The following MFSD12 variants were observed in gnomAD, a reference collection of about 807,000 sequenced individuals.
MFSD12 encodes the protein major facilitator superfamily domain-containing protein 12.
A neutral mutation model predicts 51.2 loss-of-function variants in MFSD12; 67 were observed. That is an observed-to-expected ratio of 1.31 (90% confidence interval 1.08 to 1.60). MFSD12 has a LOEUF of 1.60. Ranked by LOEUF, MFSD12 falls within the 40% of genes most tolerant of loss-of-function variation. MFSD12 has a pLI of 0.00. For synonymous variants in MFSD12, 441 were observed against 316.7 expected, an observed-to-expected ratio of 1.39 and a Z score of -4.17; for missense variants, 921 against 673.0, an observed-to-expected ratio of 1.37 and a Z score of -4.08.
chr19:3,543,024 T>C (rs1449321879), downstream of MFSD12: 6 of 1,603,876 alleles, frequency 3.7e-6, no homozygotes, highest in Admixed American at 5.0e-5. Flanking sequence ...TGGGGTGCGA[T>C]GTGTGGGGAG....
At chr19:3,550,763 G>GT (rs2031428060) in intron 2 of MFSD12, among the ~76,000 whole-genome samples, 1 of 151,920 alleles carries the variant, frequency 6.6e-6, no homozygotes, top group African/African-American at 2.4e-5. Context: ...TGAGGCAAGA[G>GT]TATCACTTGA....
At chr19:3,540,360 C>T (rs959209202), downstream of MFSD12, among the ~76,000 whole-genome samples, 15 of 151,702 alleles carry the variant, frequency 9.9e-5, no homozygotes, top group South Asian at 2.1e-4. Flanking sequence ...CTGGTTCGAG[C>T]GATTCTCCTG....
In MFSD12 at chr19:3,551,724, A is replaced by T. The variant is rs1440568404; in HGVS notation, c.299-530T>A. 6.6e-6 allele frequency among the ~76,000 whole-genome samples: 1 copy of T among 152,064 alleles called. No individual in the cohort carries two copies. Among genetic ancestry groups the T allele is most frequent in the Non-Finnish European group, 1.5e-5 (1 of 67,996 alleles). On this transcript the variant is annotated intron_variant, in intron 1 of 9. Coordinates refer to ENST00000355415, the MANE Select transcript of MFSD12 (RefSeq NM_174983.5). The surrounding 1 kb of genome is among the most constrained non-coding windows in gnomAD (Gnocchi z 4.6). ...GCAAGGCCTGGCTCTTCACATCCTC[A>T]GAAGAAAACCCCTAAGATACCCTGG...
At position 3,544,303 on chromosome 19, in the gene MFSD12, GTC is replaced by G; in HGVS notation, c.*405_*406del. The G allele has an allele frequency of 7.8e-7, 1 of 1,278,542 alleles. No individual in the cohort carries two copies. Among genetic ancestry groups the G allele is most frequent in the Non-Finnish European group, 9.9e-7 (1 of 1,012,758 alleles). The allele number at this position is 1,278,542 out of a possible 1,614,324, so 79.2% of individuals were successfully genotyped here. ...AGGCCCAGCCCACCACCCCGTGGCTGTCTCCTCCAGGCTCCAGCCGTCCTGAG... is the reference window on the plus strand; with the variant it reads ...AGGCCCAGCCCACCACCCCGTGGCTGTCCTCCAGGCTCCAGCCGTCCTGAG... On this transcript the variant is annotated 3_prime_UTR_variant, in exon 10 of 10. Transcript: ENST00000355415.
At chr19:3,543,354 C>A (rs773862469), downstream of MFSD12, 2 of 1,549,350 alleles carry the variant, frequency 1.3e-6, no homozygotes, top group Non-Finnish European at 1.7e-6. Flanking sequence ...ACAGGCCTGA[C>A]CAACTCGGAC....
chr19:3,540,558 G>A (rs1426286536), downstream of MFSD12, among the ~76,000 whole-genome samples: 6 of 151,526 alleles, frequency 4.0e-5, no homozygotes, highest in African/African-American at 1.2e-4. Flanking sequence ...GCCTAGCTGT[G>A]AGACCCCATC....
downstream of MFSD12, chr19:3,539,989 C>G (rs1457359073): frequency 6.6e-6 from 1 of 152,074 alleles, no homozygotes; most frequent in Non-Finnish European, 1.5e-5. Flanking sequence ...TGGTGGCCCA[C>G]ACCTGTAATC....
chr19:3,540,473 G>A (rs942905372), downstream of MFSD12, among the ~76,000 whole-genome samples: 6 of 151,378 alleles, frequency 4.0e-5, no homozygotes, highest in Non-Finnish European at 7.4e-5. Flanking sequence ...GGCCAGGATG[G>A]TCTCGATCTC....
At chr19:3,539,330 T>A, downstream of MFSD12, 1 of 850,510 alleles carries the variant, frequency 1.2e-6, no homozygotes, top group South Asian at 1.4e-5. Context: ...TCAGGTTACA[T>A]GGTGTTTGGT....
chr19:3,543,225 C>T (rs1286096340), downstream of MFSD12: 1 of 1,541,030 alleles, frequency 6.5e-7, no homozygotes, highest in South Asian at 1.2e-5. Context: ...TGCCCCCTGC[C>T]CACCCTCAGC....
chr19:3,555,199 C>G (rs889944927), intron 1 of MFSD12, among the ~76,000 whole-genome samples: 1 of 152,164 alleles, frequency 6.6e-6, no homozygotes, highest in Non-Finnish European at 1.5e-5. Flanking sequence ...GCCTCTGCCT[C>G]CCGGGTTCAA....
intron 1 of MFSD12, among the ~76,000 whole-genome samples, chr19:3,552,600 G>A (rs999886459): frequency 5.4e-5 from 8 of 147,972 alleles, no homozygotes; most frequent in African/African-American, 1.8e-4. Context: ...TCAGCCTCCC[G>A]TGTAGCTGGG....
chr19:3,551,913 C>T lies in MFSD12; in HGVS notation c.299-719G>A, dbSNP rs535507108. On this transcript the variant is annotated intron_variant, in intron 1 of 9. Coordinates refer to ENST00000355415, the MANE Select transcript of MFSD12 (RefSeq NM_174983.5). This position sits in a 1 kb window ranked among gnomAD's most constrained non-coding sequence, Gnocchi z 4.6. ...TTCAACATGCCAGGCGGTCCTGCCC[C>T]CGGGCCTTTGCATGGGCGTGCCTCT... 3.3e-5 allele frequency among the ~76,000 whole-genome samples: 5 copies of T among 152,288 alleles called. No individual in the cohort carries two copies. The East Asian group carries it at 9.7e-4, about 30-fold the overall frequency.
At chr19:3,542,559 C>T (rs998557580), downstream of MFSD12, 49 of 836,230 alleles carry the variant, frequency 5.9e-5, no homozygotes, top group Non-Finnish European at 6.8e-5. Context: ...CTGCAAACTC[C>T]ACTTCCTGGG....
rs549406962 is a variant in MFSD12, at chr19:3,556,026, C to T, written c.298+1080G>A. On this transcript the variant is annotated intron_variant, in intron 1 of 9. Coordinates refer to ENST00000355415, the MANE Select transcript of MFSD12 (RefSeq NM_174983.5). Reference sequence around the variant, plus strand: ...CCCTCTCTAATCAGGGCAGCTCCCCCAGACCTAGGGGGTCCCTGACCCTGG... The same window carrying T: ...CCCTCTCTAATCAGGGCAGCTCCCCTAGACCTAGGGGGTCCCTGACCCTGG... 2.0e-5 allele frequency among the ~76,000 whole-genome samples: 3 copies of T among 152,170 alleles called. No homozygotes were observed. In the South Asian group the frequency reaches 6.2e-4, roughly 32 times the overall value.
Position 3,546,439 on chromosome 19 carries a change from C to T in MFSD12, c.1024-14G>A. ...GAAGTAGGTCATCTGCAGGGACAGC[C>T]CCGGGGTCAGGCCCACACCACTGGG... On this transcript the variant is annotated splice_polypyrimidine_tract_variant and intron_variant, in intron 6 of 9. Coordinates refer to ENST00000355415, the MANE Select transcript of MFSD12 (RefSeq NM_174983.5). 1 of 1,596,478 alleles carries T rather than the reference C, an allele frequency of 6.3e-7. No individual in the cohort carries two copies. Among genetic ancestry groups the T allele is most frequent in the Non-Finnish European group, 8.5e-7 (1 of 1,172,448 alleles).
chr19:3,554,061 G>A (rs991596915), intron 1 of MFSD12, among the ~76,000 whole-genome samples: 20 of 151,656 alleles, frequency 1.3e-4, no homozygotes, highest in Admixed American at 6.6e-5. Flanking sequence ...CAGCCCGGGT[G>A]ACAAAGCAAG....
At position 3,544,727 on chromosome 19, in the gene MFSD12, G is replaced by C; in HGVS notation, c.1426C>G (p.Arg476Gly). 8.7e-6 allele frequency: 14 copies of C among 1,603,458 alleles called. No homozygotes were observed. Among genetic ancestry groups the C allele is most frequent in the Non-Finnish European group, 1.2e-5 (14 of 1,173,688 alleles). ...LWPTRLRRWDRDARP is the reference protein window; with the variant it reads ...LWPTRLRRWDGDARP ...GTCAGGAGTCAGGGCCGGGCATCAC[G>C]GTCCCCTGCAAGGGAGGGGTGGAAA... Residue 476 changes from arginine to glycine, a missense_variant, in exon 10 of 10, where the codon CGT becomes GGT. Transcript: ENST00000355415.
downstream of MFSD12, chr19:3,543,533 G>A (rs367986824): frequency 2.5e-5 from 33 of 1,297,586 alleles, no homozygotes; most frequent in Middle Eastern, 9.3e-4. Flanking sequence ...AGGAATGACC[G>A]CCAGCCCCCG....
Sources: allele counts gnomAD v4.1 joint callset (sites outside exome capture counted in the v4.1 genomes callset), GRCh38; gene constraint gnomAD v4.1.1; non-coding constraint Gnocchi (gnomAD v3.1); transcripts MANE v1.5; gene names NCBI Gene and HGNC (gene_info 2026-07-23, HGNC 2026-07-21).